The following CCNA2 variants were observed in gnomAD, a reference collection of about 807,000 sequenced individuals.
The protein encoded by CCNA2 is cyclin-A2.
Under a neutral mutation model 49.4 loss-of-function variants are expected in CCNA2, and 3 were observed. That is an observed-to-expected ratio of 0.06 (90% confidence interval 0.03 to 0.16). The LOEUF (loss-of-function observed/expected upper bound fraction) is 0.16, where lower values mean the gene tolerates loss of function less well. CCNA2 is among the 10% of genes least tolerant of loss of function. The probability of loss-of-function intolerance (pLI) is 1.00; values close to 1 mark genes in which losing one functional copy is unlikely to be tolerated. For synonymous variants in CCNA2, 206 were observed against 197.2 expected, an observed-to-expected ratio of 1.04 and a Z score of -0.37; for missense variants, 372 against 519.7, an observed-to-expected ratio of 0.72 and a Z score of 2.76.
chr4:121,819,334 C>T (rs1336475189), intron 5 of CCNA2, 38 bp downstream of exon 5: 1 of 1,508,134 alleles, frequency 6.6e-7, no homozygotes, highest in East Asian at 2.3e-5. Context: ...TAATTATTAC[C>T]AAAGAATCAC....
intron 7 of CCNA2, 91 bp from the exon 8 acceptor site, chr4:121,817,777 T>TA: frequency 1.3e-6 from 2 of 1,538,758 alleles, no homozygotes; most frequent in Non-Finnish European, 1.8e-6. Context: ...TATTGGGAAC[T>TA]AAAAAATGCT....
In CCNA2 at chr4:121,823,802, C is replaced by A; in HGVS notation, c.-174G>T. On this transcript the variant is annotated 5_prime_UTR_variant, in exon 1 of 8. Transcript: ENST00000274026. ...CACCCAGCTCGAGACCACGCAGGGC[C>A]GAGGAGGTTGCGAAAGGCGCAGGCA... 1 of 1,274,626 alleles carries A rather than the reference C, an allele frequency of 7.8e-7. No individual in the cohort carries two copies. 79.0% of individuals were successfully genotyped at this position (1,274,626 alleles called of 1,614,324 possible). A position where few individuals can be genotyped will look rare whatever the true frequency, so the allele number is the denominator to read the frequency against.
intron 7 of CCNA2, 73 bp from the exon 8 acceptor site, chr4:121,817,759 T>C (rs901274630): frequency 1.3e-6 from 2 of 1,587,530 alleles, no homozygotes; most frequent in East Asian, 2.2e-5. Flanking sequence ...ATAATGTTTG[T>C]ACTCATGTAT....
intron 5 of CCNA2, 29 bp from the exon 6 acceptor site, chr4:121,818,942 A>G: frequency 7.1e-7 from 1 of 1,399,558 alleles, no homozygotes; most frequent in Non-Finnish European, 1.0e-6. Flanking sequence ...TATGATCACA[A>G]GAGCGTTTAG....
In CCNA2 at chr4:121,821,065, T is replaced by C. The variant is rs772496110; in HGVS notation, c.484A>G (p.Ile162Val). The C allele has an allele frequency of 1.2e-6, 2 of 1,613,180 alleles. No homozygotes were observed. Among genetic ancestry groups the C allele is most frequent in the Non-Finnish European group, 1.7e-6 (2 of 1,179,402 alleles). ...ACTGGCTTTTCATCTTCTAATATAA[T>C]TGACATGTCCATAGTATGTGGTGAC... ...FESPHTMDMSIILEDEKPVSV... is the reference protein window; with the variant it reads ...FESPHTMDMSVILEDEKPVSV... Residue 162 changes from isoleucine to valine, a missense_variant, in exon 3 of 8, where the codon ATT becomes GTT. Around this residue, in one of 2 missense-constraint regions of CCNA2, gnomAD observed 217 missense variants for 231.7 expected, o/e 0.94. Coordinates refer to ENST00000274026, the MANE Select transcript of CCNA2 (RefSeq NM_001237.5).
chr4:121,822,674 A>T (rs1380311711), intron 1 of CCNA2, 28 bp from the exon 2 acceptor site: 25 of 1,605,814 alleles, frequency 1.6e-5, no homozygotes, highest in Non-Finnish European at 2.0e-5. Flanking sequence ...ACTGGCTTTG[A>T]GCCTACTAGT....
rs746929651 is a variant in CCNA2 at position 121,823,435 on chromosome 4, T to C, written c.194A>G (p.Gln65Arg). ...SGNPRGLAQQ[Q>R]RPKTRRVAPL... ...CTTTACCCGTCTCGTCTTCGGCCTCTGCTGCTGCGCTAGACCCCGCGGGTT... is the reference window on the plus strand; with the variant it reads ...CTTTACCCGTCTCGTCTTCGGCCTCCGCTGCTGCGCTAGACCCCGCGGGTT... The change falls in exon 1 of 8, where the codon CAG (glutamine) becomes CGG (arginine). Residue 65 changes from glutamine to arginine, a missense_variant. Physicochemically the swap from Gln to Arg is conservative, Grantham distance 43. This residue lies in a region of CCNA2 where 217 missense variants were observed against 231.7 expected (regional missense o/e 0.94). Coordinates refer to ENST00000274026, the MANE Select transcript of CCNA2 (RefSeq NM_001237.5). 3 of 1,612,740 alleles carry C rather than the reference T, an allele frequency of 1.9e-6. No homozygotes were observed. The highest frequency in any genetic ancestry group is 2.5e-6 in the Non-Finnish European group (3 of 1,179,412).
In CCNA2 at chr4:121,820,080, ACAGG is replaced by A. The variant is rs899774607; in HGVS notation, c.794+458_794+461del. ...CTCAGCCTCCCTAGTAGCTGAGATT[ACAGG>A]CATGCATCACCATGCCCAGCTAATT... On this transcript the variant is annotated intron_variant, in intron 4 of 7. Coordinates refer to ENST00000274026, the MANE Select transcript of CCNA2 (RefSeq NM_001237.5). This position sits in a 1 kb window ranked among gnomAD's most constrained non-coding sequence, Gnocchi z 4.1. Among the ~76,000 whole-genome samples, 1 of 151,562 alleles carries A rather than the reference ACAGG, an allele frequency of 6.6e-6. No individual in the cohort carries two copies. Among genetic ancestry groups the A allele is most frequent in the African/African-American group, 2.4e-5 (1 of 41,264 alleles).
intron 1 of CCNA2, among the ~76,000 whole-genome samples, 195 bp downstream of exon 1, chr4:121,823,219 CAG>C (rs1189488668): frequency 6.6e-6 from 1 of 152,148 alleles, no homozygotes; most frequent in African/African-American, 2.4e-5. Flanking sequence ...AGCATACACA[CAG>C]TGTTGGCGGG....
chr4:121,818,823 A>G lies in CCNA2; in HGVS notation c.1093T>C (p.Tyr365His), dbSNP rs1578512425. Residue 365 changes from tyrosine (Y) to histidine (H), a missense_variant, in exon 6 of 8, where the codon TAC becomes CAC. Physicochemically the swap from Tyr to His is moderately conservative, Grantham distance 83 (BLOSUM62 2). Coordinates refer to ENST00000274026, the MANE Select transcript of CCNA2 (RefSeq NM_001237.5). Reference protein sequence around the residue: ...IAGAAFHLALYTVTGQSWPES... With the variant: ...IAGAAFHLALHTVTGQSWPES... The stretch of plus-strand genomic sequence containing the variant: ...ACCCAGCTTTGTCCCGTGACTGTGT[A>G]GAGTGCTAAATGAAAGGCAGCTCCA... 5 of 1,611,978 alleles carry G rather than the reference A, an allele frequency of 3.1e-6. No individual in the cohort carries two copies. In the African/African-American group the frequency reaches 5.3e-5, roughly 17 times the overall value.
At chr4:121,821,120 T>C (rs767365609) in intron 2 of CCNA2, 29 bp from the exon 3 acceptor site, 1 of 1,596,398 alleles carries the variant, frequency 6.3e-7, no homozygotes. Context: ...TATGATTAAA[T>C]TAATTGTTTG....
At position 121,816,932 on chromosome 4, in the gene CCNA2, T is replaced by G; in HGVS notation, c.*706A>C. 1 of 1,309,386 alleles carries G rather than the reference T, an allele frequency of 7.6e-7. No homozygotes were observed. The highest frequency in any genetic ancestry group is 1.7e-5 in the South Asian group (1 of 58,880). 81.1% of individuals were successfully genotyped at this position (1,309,386 alleles called of 1,614,324 possible). ...CCATTCTGAGAACCCTGGGTATTTT[T>G]TATTCACAAATCCATTATAAAATCT... is the stretch of plus-strand genomic sequence containing the variant. On this transcript the variant is annotated 3_prime_UTR_variant, in exon 8 of 8. Coordinates refer to ENST00000274026, the MANE Select transcript of CCNA2 (RefSeq NM_001237.5).
At chr4:121,823,327 C>T (rs1292880836) in intron 1 of CCNA2, 89 bp downstream of exon 1, 19 of 1,442,464 alleles carry the variant, frequency 1.3e-5, no homozygotes, top group Non-Finnish European at 1.8e-5. Flanking sequence ...AAGCCCAGGA[C>T]ATGCCTTCTC....
chr4:121,818,140 T>G lies in CCNA2; in HGVS notation c.1154A>C (p.Glu385Ala), dbSNP rs768161510. 1 of 1,613,776 alleles carries G rather than the reference T, an allele frequency of 6.2e-7. No individual in the cohort carries two copies. The highest frequency in any genetic ancestry group is 1.3e-5 in the African/African-American group (1 of 75,028). The change falls in exon 7 of 8, where the codon GAA becomes GCA. Residue 385 changes from glutamate (E) to alanine (A), a missense_variant. Around this residue, in one of 2 missense-constraint regions of CCNA2, gnomAD observed 155 missense variants for 288.1 expected, o/e 0.54. Coordinates refer to ENST00000274026, the MANE Select transcript of CCNA2 (RefSeq NM_001237.5). The part of the protein sequence containing the change: ...SLIRKTGYTL[E>A]SLKPCLMDLH... ...GTCCATGAGACAAGGCTTAAGACTTTCCAGGGTATATCCAGTCTTTCGTAT... is the reference window on the plus strand; with the variant it reads ...GTCCATGAGACAAGGCTTAAGACTTGCCAGGGTATATCCAGTCTTTCGTAT...
At position 121,819,537 on chromosome 4, in the gene CCNA2, C is replaced by T; in HGVS notation, c.837G>A (p.Val279=). ...EIYPPEVAEF[V]YITDDTYTKK... is the part of the protein sequence containing the mutation. ...TGGTGTAGGTATCATCTGTAATGTA[C>T]ACAAACTCTGCTACTTCTGGGGGGT... The change falls in exon 5 of 8, where the codon GTG becomes GTA. Residue 279 remains valine, a synonymous_variant. Coordinates refer to ENST00000274026, the MANE Select transcript of CCNA2 (RefSeq NM_001237.5). 1 of 1,613,938 alleles carries T rather than the reference C, an allele frequency of 6.2e-7. No individual in the cohort carries two copies. The highest frequency in any genetic ancestry group is 8.5e-7 in the Non-Finnish European group (1 of 1,179,844).
chr4:121,822,290 C>T, intron 2 of CCNA2, 113 bp downstream of exon 2: 1 of 1,046,300 alleles, frequency 9.6e-7, no homozygotes, highest in Non-Finnish European at 1.4e-6. Context: ...TTACATTAAA[C>T]CTAACTCACT....
intron 1 of CCNA2, 105 bp from the exon 2 acceptor site, chr4:121,822,751 A>G: frequency 1.7e-6 from 2 of 1,146,494 alleles, no homozygotes; most frequent in Non-Finnish European, 2.5e-6. Context: ...CAGGAATTAA[A>G]CTTTCTGGGA....
intron 2 of CCNA2, among the ~76,000 whole-genome samples, chr4:121,821,631 T>C (rs1457599377): frequency 6.6e-6 from 1 of 152,216 alleles, no homozygotes; most frequent in Non-Finnish European, 1.5e-5. Flanking sequence ...GTATAAATTA[T>C]TTTGAAGCAA....
At position 121,823,860 on chromosome 4, in the gene CCNA2, C is replaced by G; in HGVS notation, c.-232G>C. 1.5e-6 allele frequency: 1 copy of G among 678,038 alleles called. No individual in the cohort carries two copies. The highest frequency in any genetic ancestry group is 2.3e-6 in the Non-Finnish European group (1 of 436,180). The allele number at this position is 678,038 out of a possible 1,614,324, so 42.0% of individuals were successfully genotyped here. ...CCCAGCGTGGCGAGCCAAAGACGCC[C>G]AGAGATGCAGCGAGCAGCCCGCCGG... On this transcript the variant is annotated 5_prime_UTR_variant, in exon 1 of 8. Coordinates refer to ENST00000274026, the MANE Select transcript of CCNA2 (RefSeq NM_001237.5).
Sources: allele counts gnomAD v4.1 joint callset (sites outside exome capture counted in the v4.1 genomes callset), GRCh38; gene constraint gnomAD v4.1.1; regional missense constraint gnomAD v4.1.1; non-coding constraint Gnocchi (gnomAD v3.1); transcripts MANE v1.5; gene names NCBI Gene and HGNC (gene_info 2026-07-23, HGNC 2026-07-21).